CNTNAP3: variants seen among roughly 807,000 people sequenced by gnomAD.
CNTNAP3 encodes contactin-associated protein-like 3.
A neutral mutation model predicts 92.1 loss-of-function variants in CNTNAP3; 36 were observed. That is an observed-to-expected ratio of 0.39 (90% confidence interval 0.30 to 0.52). The LOEUF is 0.52. Ranked by LOEUF, CNTNAP3 falls within the 20% of genes least tolerant of loss-of-function variation. The pLI is 0.76. For synonymous variants in CNTNAP3, 232 were observed against 422.3 expected, an observed-to-expected ratio of 0.55 and a Z score of 5.53; for missense variants, 534 against 1,069.6, an observed-to-expected ratio of 0.50 and a Z score of 6.98.
chr9:39,110,753 A>G (rs1826726298), intron 14 of CNTNAP3, among the ~76,000 whole-genome samples: 1 of 152,174 alleles, frequency 6.6e-6, no homozygotes, highest in South Asian at 2.1e-4. Context: ...TATTTGGCCA[A>G]TAATAAATAT....
chr9:39,076,539 T>C (rs1251727825), intron 23 of CNTNAP3, among the ~76,000 whole-genome samples: 6 of 152,426 alleles, frequency 3.9e-5, no homozygotes, highest in African/African-American at 1.4e-4. Context: ...GATGGAAATG[T>C]GAATATCCTC....
At chr9:39,122,730 A>G (rs1452632458) in intron 13 of CNTNAP3, among the ~76,000 whole-genome samples, 1 of 152,228 alleles carries the variant, frequency 6.6e-6, no homozygotes, top group Non-Finnish European at 1.5e-5. Flanking sequence ...AAGCCAAACA[A>G]TACAGTCTTA....
Position 39,097,866 on chromosome 9 carries a change from C to A in CNTNAP3, c.2995+2045G>T, listed in dbSNP as rs192485766. On this transcript the variant is annotated intron_variant, in intron 18 of 23. Transcript: ENST00000297668. ...CCTTAGGACATCTTCTAAAGACTTTCAATAGTTGTTTTTTAAAATAATAAT... is the reference window on the plus strand; with the variant it reads ...CCTTAGGACATCTTCTAAAGACTTTAAATAGTTGTTTTTTAAAATAATAAT... 6.3e-3 allele frequency among the ~76,000 whole-genome samples: 950 copies of A among 150,120 alleles called. 14 individuals are homozygous for A. Among genetic ancestry groups the A allele is most frequent in the African/African-American group, 0.022 (891 of 40,912 alleles).
At position 39,066,636 on chromosome 9, in the gene CNTNAP3, GGA is replaced by G. The variant is rs1244993816; in HGVS notation, c.*7252_*7253del. Among the ~76,000 whole-genome samples, 2 of 152,400 alleles carry G rather than the reference GGA, an allele frequency of 1.3e-5. No homozygotes were observed. The highest frequency in any genetic ancestry group is 1.9e-4 in the East Asian group (1 of 5,192). Reference sequence around the variant, plus strand: ...CGGTTTTGCTGGGTATAGAAACCTAGGAGAGAGAGTTTTCTGCTTTTGGTTGG... The same window carrying G: ...CGGTTTTGCTGGGTATAGAAACCTAGGAGAGAGTTTTCTGCTTTTGGTTGG... On this transcript the variant is annotated 3_prime_UTR_variant, in exon 24 of 24. Transcript: ENST00000297668.
intron 12 of CNTNAP3, among the ~76,000 whole-genome samples, chr9:39,137,626 C>T (rs938826799): frequency 6.6e-6 from 1 of 152,052 alleles, no homozygotes; most frequent in African/African-American, 2.4e-5. Flanking sequence ...CATTCTTCTG[C>T]CTCAGCCTCC....
rs1564066621 is a variant in CNTNAP3, at chr9:39,077,595, A to AAAC, written c.3745+787_3745+789dup. ...ACAAACAAACAAACAAACAAACAAA[A>AAAC]AACTTCTTAAATAAGTGAAACACTG... is the stretch of plus-strand genomic sequence containing the variant. On this transcript the variant is annotated intron_variant, in intron 23 of 23. Coordinates refer to ENST00000297668, the MANE Select transcript of CNTNAP3 (RefSeq NM_033655.5). Among the ~76,000 whole-genome samples the AAAC allele has an allele frequency of 1.4e-4, 17 of 119,248 alleles. 1 individual carries two copies. The highest frequency in any genetic ancestry group is 9.1e-4 in the Admixed American group (11 of 12,070). The allele number at this position is 119,248 out of a possible 152,430, so 78.2% of individuals were successfully genotyped here. A position where few individuals can be genotyped will look rare whatever the true frequency, so the allele number is the denominator to read the frequency against.
rs1825490909 is a variant in CNTNAP3, at chr9:39,065,461, G to A, written c.*8429C>T. ...CGTTCTTGTGTAAGTCTTATAATGG[G>A]CATAAGTTTTCATTTCTTTTCAATC... On this transcript the variant is annotated 3_prime_UTR_variant, in exon 24 of 24. Coordinates refer to ENST00000297668, the MANE Select transcript of CNTNAP3 (RefSeq NM_033655.5). Among the ~76,000 whole-genome samples, 1 of 151,460 alleles carries A rather than the reference G, an allele frequency of 6.6e-6. No individual in the cohort carries two copies. The highest frequency in any genetic ancestry group is 6.6e-5 in the Admixed American group (1 of 15,242).
At chr9:39,134,683 C>T (rs1821385865) in intron 12 of CNTNAP3, among the ~76,000 whole-genome samples, 1 of 152,208 alleles carries the variant, frequency 6.6e-6, no homozygotes, top group Non-Finnish European at 1.5e-5. Context: ...CCACCTTGGC[C>T]TCCCAAAGTG....
chr9:39,118,275 A>G lies in CNTNAP3; in HGVS notation c.2081-16T>C. The G allele has an allele frequency of 6.2e-7, 1 of 1,613,118 alleles. No individual in the cohort carries two copies. The highest frequency in any genetic ancestry group is 8.5e-7 in the Non-Finnish European group (1 of 1,179,672). On this transcript the variant is annotated splice_polypyrimidine_tract_variant and intron_variant, in intron 13 of 23. Transcript: ENST00000297668. Reference sequence around the variant, plus strand: ...GGGGTTCCATCTGAAAGACAAGTATAAGAAACATGACATCTACTTTGTCCC... The same window carrying G: ...GGGGTTCCATCTGAAAGACAAGTATGAGAAACATGACATCTACTTTGTCCC...
At position 39,066,096 on chromosome 9, in the gene CNTNAP3, T is replaced by A. The variant is rs1443613473; in HGVS notation, c.*7794A>T. Among the ~76,000 whole-genome samples the A allele has an allele frequency of 6.6e-6, 1 of 152,246 alleles. No individual in the cohort carries two copies. Among genetic ancestry groups the A allele is most frequent in the Non-Finnish European group, 1.5e-5 (1 of 68,028 alleles). On this transcript the variant is annotated 3_prime_UTR_variant, in exon 24 of 24. Transcript: ENST00000297668. ...AAATTTATTCTATTTCATCGCTGCA[T>A]TGTAATATTATTGTGTAATATTGTA...
chr9:39,065,605 A>C lies in CNTNAP3; in HGVS notation c.*8285T>G, dbSNP rs1483907140. ...ATTCCAACAATAATGTATGAGAATT[A>C]TAATTGCTCCATATTCTCAACAACA... On this transcript the variant is annotated 3_prime_UTR_variant, in exon 24 of 24. Coordinates refer to ENST00000297668, the MANE Select transcript of CNTNAP3 (RefSeq NM_033655.5). Among the ~76,000 whole-genome samples, 2 of 152,174 alleles carry C rather than the reference A, an allele frequency of 1.3e-5. No individual in the cohort carries two copies. The highest frequency in any genetic ancestry group is 2.9e-5 in the Non-Finnish European group (2 of 68,018).
At chr9:39,122,063 G>A (rs892333127) in intron 13 of CNTNAP3, among the ~76,000 whole-genome samples, 1 of 152,126 alleles carries the variant, frequency 6.6e-6, no homozygotes, top group Non-Finnish European at 1.5e-5. Flanking sequence ...TAAGAGTACA[G>A]GATGCTTCTG....
rs1207920609 is a variant in CNTNAP3 at position 39,072,297 on chromosome 9, T to C, written c.*1593A>G. On this transcript the variant is annotated 3_prime_UTR_variant, in exon 24 of 24. Transcript: ENST00000297668. The stretch of plus-strand genomic sequence containing the variant: ...GTAACAGTAACGCTGAATCAATATA[T>C]TTTCAGCTTGCCCTGATGTGGAAGA... Among the ~76,000 whole-genome samples the C allele has an allele frequency of 1.2e-3, 167 of 142,020 alleles. No homozygotes were observed. Among genetic ancestry groups the C allele is most frequent in the African/African-American group, 4.4e-3 (161 of 36,388 alleles). 93.2% of individuals were successfully genotyped at this position (142,020 alleles called of 152,430 possible).
intron 21 of CNTNAP3, 143 bp from the exon 22 acceptor site, chr9:39,079,063 G>A: frequency 8.2e-7 from 1 of 1,217,884 alleles, no homozygotes. Context: ...CACTCCAGGA[G>A]AGGTCACCGT....
intron 3 of CNTNAP3, among the ~76,000 whole-genome samples, chr9:39,204,999 T>A (rs2118276530): frequency 1.2e-5 from 1 of 83,042 alleles, no homozygotes; most frequent in East Asian, 3.5e-4. Flanking sequence ...ATCATCATCA[T>A]CATCATAGCT....
chr9:39,074,096 A>G (rs1825692885), intron 23 of CNTNAP3, 85 bp from the exon 24 acceptor site: 1 of 1,591,188 alleles, frequency 6.3e-7, no homozygotes, highest in African/African-American at 1.3e-5. Flanking sequence ...CCCACGCTGG[A>G]GTGCAGTGGC....
intron 12 of CNTNAP3, among the ~76,000 whole-genome samples, chr9:39,139,555 T>C (rs1414271834): frequency 6.6e-6 from 1 of 152,212 alleles, no homozygotes; most frequent in Non-Finnish European, 1.5e-5. Flanking sequence ...CTGACCCATT[T>C]GGTTATTGTC....
rs1823049446 is a variant in CNTNAP3, at chr9:39,287,215, C to T, written c.85+765G>A. ...TCATCTGTCTGGAATATCATCATTACATTAGAATCATAGCCCATTCTAGAA... is the reference window on the plus strand; with the variant it reads ...TCATCTGTCTGGAATATCATCATTATATTAGAATCATAGCCCATTCTAGAA... On this transcript the variant is annotated intron_variant, in intron 1 of 23. Coordinates refer to ENST00000297668, the MANE Select transcript of CNTNAP3 (RefSeq NM_033655.5). 4.2e-5 allele frequency among the ~76,000 whole-genome samples: 2 copies of T among 47,860 alleles called. 1 individual carries two copies. Among genetic ancestry groups the T allele is most frequent in the Admixed American group, 4.8e-4 (2 of 4,152 alleles). 31.4% of individuals were successfully genotyped at this position (47,860 alleles called of 152,430 possible).
intron 4 of CNTNAP3, among the ~76,000 whole-genome samples, chr9:39,179,356 C>T (rs1217089770): frequency 1.9e-5 from 2 of 103,620 alleles, no homozygotes; most frequent in African/African-American, 8.7e-5. Flanking sequence ...CACAGACATC[C>T]TATTGGTTCT....
Sources: gnomAD v4.1 joint callset for allele counts (sites outside exome capture counted in the v4.1 genomes callset) on GRCh38, gnomAD v4.1.1 for gene constraint, MANE v1.5 for transcripts, NCBI Gene and HGNC (gene_info 2026-07-23, HGNC 2026-07-21) for gene names.